Variants in BLOC1S3 observed in about 807,000 individuals in gnomAD.
The protein encoded by BLOC1S3 is biogenesis of lysosome-related organelles complex 1 subunit 3.
A neutral mutation model predicts 9.1 loss-of-function variants in BLOC1S3; 7 were observed. The ratio of observed to expected loss-of-function variants is 0.77; its 90% confidence interval spans 0.44 to 1.45. The LOEUF is 1.45. Ranked by LOEUF, BLOC1S3 falls within the 40% of genes most tolerant of loss-of-function variation. BLOC1S3 has a pLI of 0.01. For missense variants in BLOC1S3, 307 were observed against 315.2 expected (o/e 0.97, Z 0.20); for synonymous variants, 145 against 158.4 (o/e 0.92, Z 0.64).
At chr19:45,212,567 CTT>C (rs1969785112) in intron 3 of BLOC1S3, 1 of 143,106 alleles carries the variant, frequency 7.0e-6, no homozygotes, top group Non-Finnish European at 1.5e-5. Context: ...TGGGAAAATG[CTT>C]TGTCTCTTTG....
intron 3 of BLOC1S3, among the ~76,000 whole-genome samples, chr19:45,204,637 G>T (rs1969714313): frequency 6.6e-6 from 1 of 152,188 alleles, no homozygotes; most frequent in African/African-American, 2.4e-5. Context: ...GGCTAGATCA[G>T]CTGCGGCTGA....
At position 45,192,470 on chromosome 19, in the gene BLOC1S3, C is replaced by A. The variant is rs543475548; in HGVS notation, n.180+4730C>A. 5.3e-5 allele frequency among the ~76,000 whole-genome samples: 8 copies of A among 152,236 alleles called. No homozygotes were observed. In the East Asian group the frequency reaches 1.2e-3, roughly 22 times the overall value. The stretch of plus-strand genomic sequence containing the variant: ...GACAAAGGCCCCTTTACTCTTCCCT[C>A]CCGCTTCCTTGAGCAGTAGGAGCCT... On this transcript the variant is annotated intron_variant and non_coding_transcript_variant, in intron 2 of 3. Transcript: ENST00000591569.
At chr19:45,201,780 G>C (rs376422292) in intron 2 of BLOC1S3, among the ~76,000 whole-genome samples, 1 of 142,514 alleles carries the variant, frequency 7.0e-6, no homozygotes, top group East Asian at 1.9e-4. Context: ...TATGTTATAG[G>C]GGGTACCCAG....
intron 2 of BLOC1S3, among the ~76,000 whole-genome samples, chr19:45,188,466 G>T (rs192916825): frequency 6.6e-6 from 1 of 151,272 alleles, no homozygotes; most frequent in East Asian, 2.0e-4. Context: ...GAGCCACAGC[G>T]CCCGGCTTCT....
chr19:45,208,920 T>C (rs1233585438), intron 3 of BLOC1S3, among the ~76,000 whole-genome samples: 1 of 152,136 alleles, frequency 6.6e-6, no homozygotes, highest in Non-Finnish European at 1.5e-5. Context: ...CATTGATAGA[T>C]TTTTAAATGC....
intron 3 of BLOC1S3, chr19:45,216,027 A>T: frequency 6.2e-7 from 1 of 1,605,758 alleles, no homozygotes; most frequent in Non-Finnish European, 8.5e-7. Flanking sequence ...CCGCCAGGAG[A>T]CCTCGGCCAG....
chr19:45,205,781 T>G (rs991469324), intron 3 of BLOC1S3, among the ~76,000 whole-genome samples: 12 of 152,182 alleles, frequency 7.9e-5, no homozygotes, highest in African/African-American at 2.9e-4. Context: ...TAAGAACCCT[T>G]AAAAGTCAAT....
At chr19:45,197,889 T>C (rs1324589226) in intron 2 of BLOC1S3, among the ~76,000 whole-genome samples, 4 of 145,578 alleles carry the variant, frequency 2.7e-5, no homozygotes, top group Admixed American at 6.8e-5. Context: ...GAAAAATCTC[T>C]AGCCAGCCCT....
At chr19:45,192,343 G>A (rs148752677) in intron 2 of BLOC1S3, among the ~76,000 whole-genome samples, 239 of 152,284 alleles carry the variant, frequency 1.6e-3, no homozygotes, top group African/African-American at 5.6e-3. Flanking sequence ...CCAAAGGTAG[G>A]TCCAGAAATG....
chr19:45,200,213 G>T (rs528411047), intron 2 of BLOC1S3, among the ~76,000 whole-genome samples: 3 of 135,038 alleles, frequency 2.2e-5, no homozygotes, highest in African/African-American at 8.4e-5. Flanking sequence ...ACGGAGTCTC[G>T]CTGTGTCGCC....
At chr19:45,195,796 T>A (rs990062948) in intron 2 of BLOC1S3, among the ~76,000 whole-genome samples, 1 of 152,178 alleles carries the variant, frequency 6.6e-6, no homozygotes, top group Non-Finnish European at 1.5e-5. Flanking sequence ...GGTTTCACCA[T>A]GTTGGCCAGG....
intron 2 of BLOC1S3, among the ~76,000 whole-genome samples, chr19:45,189,110 GTTCT>G (rs959238174): frequency 1.3e-5 from 2 of 151,606 alleles, no homozygotes; most frequent in Non-Finnish European, 2.9e-5. Flanking sequence ...GTGCCCGGCT[GTTCT>G]TTCTAATTAT....
intron 3 of BLOC1S3, chr19:45,213,277 C>T (rs1328637962): frequency 5.0e-6 from 8 of 1,613,518 alleles, no homozygotes; most frequent in Non-Finnish European, 4.2e-6. Context: ...TTCCAGGTCC[C>T]GGGCCACGGC....
intron 2 of BLOC1S3, among the ~76,000 whole-genome samples, chr19:45,193,381 G>T (rs149495476): frequency 0.013 from 1,933 of 152,022 alleles, 23 homozygotes; most frequent in South Asian, 0.054. Flanking sequence ...ATTTTCTCAT[G>T]TTGTTTGTAT....
chr19:45,194,608 ACATT>A lies in BLOC1S3; in HGVS notation n.180+6872_180+6875del, dbSNP rs555538037. ...GGTGACTGGGTAAGTAAAGCATGCT[ACATT>A]CATACAACAGACATTATAGCAATGA... On this transcript the variant is annotated intron_variant and non_coding_transcript_variant, in intron 2 of 3. Coordinates refer to the BLOC1S3 transcript ENST00000591569. 7.6e-3 allele frequency among the ~76,000 whole-genome samples: 1,150 copies of A among 152,302 alleles called. 9 individuals are homozygous for A. Among genetic ancestry groups the A allele is most frequent in the Non-Finnish European group, 0.012 (822 of 68,022 alleles).
chr19:45,188,319 G>A (rs1568472419), intron 2 of BLOC1S3, among the ~76,000 whole-genome samples: 1 of 151,580 alleles, frequency 6.6e-6, no homozygotes, highest in Non-Finnish European at 1.5e-5. Flanking sequence ...CACCGCAACT[G>A]GTCAATTACA....
At chr19:45,202,059 T>TA (rs1465945956) in intron 2 of BLOC1S3, among the ~76,000 whole-genome samples, 4 of 151,474 alleles carry the variant, frequency 2.6e-5, no homozygotes, top group African/African-American at 7.3e-5. Flanking sequence ...CCGTCTCTAC[T>TA]AAAAACTACA....
At chr19:45,197,798 C>T (rs1418211191) in intron 2 of BLOC1S3, among the ~76,000 whole-genome samples, 1 of 138,198 alleles carries the variant, frequency 7.2e-6, no homozygotes, top group Non-Finnish European at 1.5e-5. Flanking sequence ...GCACTCCAGC[C>T]TGGGTGGCTG....
intron 3 of BLOC1S3, among the ~76,000 whole-genome samples, chr19:45,216,471 CAGG>C (rs1328760372): frequency 6.6e-6 from 1 of 152,002 alleles, no homozygotes; most frequent in Non-Finnish European, 1.5e-5. Context: ...CCCAACTACT[CAGG>C]AGGCTGAAGC....
Sources: gnomAD v4.1 joint callset for allele counts (sites outside exome capture counted in the v4.1 genomes callset) on GRCh38, gnomAD v4.1.1 for gene constraint, MANE v1.5 for transcripts, NCBI Gene and HGNC (gene_info 2026-07-23, HGNC 2026-07-21) for gene names.